The following TOX variants were observed in gnomAD, a reference collection of about 807,000 sequenced individuals.
TOX encodes thymocyte selection associated high mobility group box, also known as thymocyte selection-associated high mobility group box protein TOX.
Under a neutral mutation model 53.7 loss-of-function variants are expected in TOX, and 11 were observed. The ratio of observed to expected loss-of-function variants is 0.20; its 90% CI spans 0.13 to 0.34. The LOEUF (loss-of-function observed/expected upper bound fraction) is 0.34, where lower values mean the gene tolerates loss of function less well. TOX is among the 10% of genes least tolerant of loss of function. The pLI is 1.00. For synonymous variants in TOX, 225 were observed against 245.3 expected (o/e 0.92, Z 0.77); for missense variants, 570 against 664.6 (o/e 0.86, Z 1.56).
chr8:59,033,549 C>T (rs1302855798), intron 1 of TOX, among the ~76,000 whole-genome samples: 1 of 152,070 alleles, frequency 6.6e-6, no homozygotes, highest in Non-Finnish European at 1.5e-5. Context: ...GTGAATTTTT[C>T]CACAATAATA....
At chr8:58,998,382 T>A (rs940969313) in intron 1 of TOX, among the ~76,000 whole-genome samples, 1 of 149,744 alleles carries the variant, frequency 6.7e-6, no homozygotes, top group South Asian at 2.1e-4. Flanking sequence ...CTAGCTACTC[T>A]GGAGGCTGAG....
chr8:58,901,964 T>G (rs1024015977), intron 3 of TOX, among the ~76,000 whole-genome samples: 3 of 152,234 alleles, frequency 2.0e-5, no homozygotes, highest in African/African-American at 7.2e-5. Context: ...CACATTGTTG[T>G]CCAATGGGAA....
intron 2 of TOX, among the ~76,000 whole-genome samples, chr8:58,953,682 C>T (rs966364895): frequency 6.6e-6 from 1 of 152,036 alleles, no homozygotes. Context: ...TGGGCTAACT[C>T]GATTACTCAG....
chr8:58,964,758 G>A (rs1327001324), intron 1 of TOX, among the ~76,000 whole-genome samples: 1 of 152,082 alleles, frequency 6.6e-6, no homozygotes, highest in Non-Finnish European at 1.5e-5. Flanking sequence ...ATGACATACT[G>A]CTTTTTACTC....
chr8:59,015,992 T>C (rs1022700410), intron 1 of TOX, among the ~76,000 whole-genome samples: 3 of 152,198 alleles, frequency 2.0e-5, no homozygotes, highest in Non-Finnish European at 4.4e-5. Context: ...TCTTAAATGA[T>C]AATCTCTAGC....
intron 3 of TOX, among the ~76,000 whole-genome samples, chr8:58,870,548 T>C (rs1406717152): frequency 1.3e-5 from 2 of 152,152 alleles, no homozygotes; most frequent in African/African-American, 4.8e-5. Flanking sequence ...TTGAAATTTA[T>C]ATGGAAAGGC....
chr8:59,063,287 T>C (rs778998045), intron 1 of TOX, among the ~76,000 whole-genome samples: 16 of 152,176 alleles, frequency 1.1e-4, no homozygotes, highest in Non-Finnish European at 2.2e-4. Context: ...TTTCAAACAT[T>C]ATAGGTTAAG....
At chr8:58,939,831 G>T (rs1812405709) in intron 2 of TOX, among the ~76,000 whole-genome samples, 1 of 152,278 alleles carries the variant, frequency 6.6e-6, no homozygotes, top group African/African-American at 2.4e-5. Context: ...ATTTTCCAGA[G>T]TTTTAATCTA....
At chr8:59,046,290 A>C (rs950630293) in intron 1 of TOX, among the ~76,000 whole-genome samples, 1 of 152,218 alleles carries the variant, frequency 6.6e-6, no homozygotes, top group Non-Finnish European at 1.5e-5. Flanking sequence ...CTAAGAATTA[A>C]TAATGGCACT....
At chr8:59,067,369 C>T (rs1327639462) in intron 1 of TOX, among the ~76,000 whole-genome samples, 1 of 152,054 alleles carries the variant, frequency 6.6e-6, no homozygotes, top group African/African-American at 2.4e-5. Flanking sequence ...GCCTGGCCAA[C>T]ATGGTGAAAC....
chr8:58,821,844 A>G (rs977732539), intron 6 of TOX, among the ~76,000 whole-genome samples: 1 of 152,208 alleles, frequency 6.6e-6, no homozygotes, highest in African/African-American at 2.4e-5. Flanking sequence ...GAGTAAATGG[A>G]GACTTAGAAC....
intron 1 of TOX, among the ~76,000 whole-genome samples, chr8:59,034,031 T>G (rs1166615666): frequency 2.0e-5 from 3 of 152,204 alleles, no homozygotes; most frequent in African/African-American, 7.2e-5. Context: ...GCCTTGCACA[T>G]GCACCATCCA....
intron 1 of TOX, among the ~76,000 whole-genome samples, chr8:59,044,967 G>C (rs80226320): frequency 0.022 from 3,332 of 152,250 alleles, 86 homozygotes; most frequent in South Asian, 0.088. Context: ...ATGCCTTAGG[G>C]CACTGAGGCT....
At chr8:59,113,998 C>CA (rs1046776277) in intron 1 of TOX, among the ~76,000 whole-genome samples, 70 of 152,220 alleles carry the variant, frequency 4.6e-4, no homozygotes, top group African/African-American at 1.4e-3. Context: ...GAGCCCATCA[C>CA]AAAAAACGTA....
At chr8:58,971,856 A>C (rs1186484485) in intron 1 of TOX, among the ~76,000 whole-genome samples, 1 of 151,952 alleles carries the variant, frequency 6.6e-6, no homozygotes, top group East Asian at 1.9e-4. Flanking sequence ...ATTACCAACT[A>C]ATTTTTGTAT....
intron 6 of TOX, among the ~76,000 whole-genome samples, chr8:58,820,892 C>A (rs1354772934): frequency 6.6e-6 from 1 of 152,116 alleles, no homozygotes; most frequent in African/African-American, 2.4e-5. Flanking sequence ...TTCCATTGCT[C>A]TATAGTTATA....
At chr8:59,007,659 T>C (rs1440930588) in intron 1 of TOX, among the ~76,000 whole-genome samples, 1 of 151,634 alleles carries the variant, frequency 6.6e-6, no homozygotes, top group African/African-American at 2.4e-5. Context: ...TGGAGTAATG[T>C]TGGGGGGGAA....
At chr8:58,892,831 C>T (rs917306086) in intron 3 of TOX, among the ~76,000 whole-genome samples, 20 of 152,186 alleles carry the variant, frequency 1.3e-4, no homozygotes, top group Admixed American at 3.9e-4. Flanking sequence ...CATCTACCTG[C>T]TCCCCCAATT....
At chr8:59,069,762 G>T (rs2129422518) in intron 1 of TOX, among the ~76,000 whole-genome samples, 1 of 152,334 alleles carries the variant, frequency 6.6e-6, no homozygotes, top group Non-Finnish European at 1.5e-5. Flanking sequence ...GAAACAGCCA[G>T]AAAGGTATAA....
Sources: gnomAD v4.1 joint callset for allele counts (sites outside exome capture counted in the v4.1 genomes callset) on GRCh38, gnomAD v4.1.1 for gene constraint, MANE v1.5 for transcripts, NCBI Gene and HGNC (gene_info 2026-07-23, HGNC 2026-07-21) for gene names.